Variants in KYAT1 observed in about 807,000 individuals in gnomAD.
The protein encoded by KYAT1 is kynurenine aminotransferase 1, also known as kynurenine--oxoglutarate transaminase 1.
In KYAT1, 47 loss-of-function variants were observed where a neutral mutation model predicts 52.4. The observed-to-expected ratio is 0.90, with a 90% CI of 0.71 to 1.14. KYAT1 has a LOEUF of 1.14. Among genes scored for constraint, KYAT1 ranks in the 50% most tolerant of loss-of-function variants. KYAT1 has a pLI of 0.00. For synonymous variants in KYAT1, 212 were observed against 209.6 expected (o/e 1.01, Z -0.10); for missense variants, 480 against 557.9 (o/e 0.86, Z 1.41).
At chr9:128,856,677 CA>C (rs1029068270) in intron 1 of KYAT1, among the ~76,000 whole-genome samples, 2 of 152,212 alleles carry the variant, frequency 1.3e-5, no homozygotes, top group African/African-American at 4.8e-5. Flanking sequence ...GCCTTGTTAA[CA>C]AAATGTTTAC....
At chr9:128,873,803 G>A (rs1419483245) in intron 1 of KYAT1, among the ~76,000 whole-genome samples, 4 of 151,370 alleles carry the variant, frequency 2.6e-5, no homozygotes, top group African/African-American at 7.3e-5. Flanking sequence ...AAAATTAGCC[G>A]GGCATGGTGA....
At chr9:128,875,325 C>A (rs1448745351) in intron 1 of KYAT1, among the ~76,000 whole-genome samples, 2 of 146,544 alleles carry the variant, frequency 1.4e-5, no homozygotes, top group East Asian at 4.1e-4. Context: ...AGCTGTGTGA[C>A]CTTGGCTCAC....
At position 128,863,173 on chromosome 9, in the gene KYAT1, T is replaced by C. The variant is rs577788332; in HGVS notation, c.-6-17762A>G. 1.1e-4 allele frequency among the ~76,000 whole-genome samples: 17 copies of C among 151,890 alleles called. No homozygotes were observed. In the South Asian group the frequency reaches 2.9e-3, roughly 26 times the overall value. On this transcript the variant is annotated intron_variant, in intron 1 of 12. Coordinates refer to ENST00000302586, the MANE Select transcript of KYAT1 (RefSeq NM_004059.5). Reference sequence around the variant, plus strand: ...CCCTCCACAGGGTAGGTCTGTTCTATTACCACACCCAGGATCAGGCCCCAA... The same window carrying C: ...CCCTCCACAGGGTAGGTCTGTTCTACTACCACACCCAGGATCAGGCCCCAA...
intron 1 of KYAT1, among the ~76,000 whole-genome samples, chr9:128,873,119 A>C (rs1227761936): frequency 6.6e-6 from 1 of 151,682 alleles, no homozygotes; most frequent in Non-Finnish European, 1.5e-5. Context: ...AAATTGTGCA[A>C]AGAGAACTTA....
chr9:128,876,760 T>A (rs1336015936), intron 1 of KYAT1, among the ~76,000 whole-genome samples: 1 of 139,834 alleles, frequency 7.2e-6, no homozygotes, highest in African/African-American at 2.7e-5. Context: ...CTCTCTTCAC[T>A]CTGTCACCCA....
Position 128,862,979 on chromosome 9 carries a change from C to T in KYAT1, c.-6-17568G>A, listed in dbSNP as rs1472251201. ...GGCTGGGATTACAGACGCGCGCTAC[C>T]ATGCCCGGCTAATTTTTTTGTGTGT... On this transcript the variant is annotated intron_variant, in intron 1 of 12. Transcript: ENST00000302586. Among the ~76,000 whole-genome samples the T allele has an allele frequency of 2.6e-5, 4 of 152,172 alleles. No individual in the cohort carries two copies. In the South Asian group the frequency reaches 8.3e-4, roughly 32 times the overall value.
chr9:128,882,215 G>C (rs963510380), upstream of KYAT1: 2 of 153,276 alleles, frequency 1.3e-5, no homozygotes, highest in African/African-American at 2.4e-5. Flanking sequence ...CGGGGCCTGG[G>C]GCTGCCTGCC....
chr9:128,850,651 C>T (rs1178771701), intron 1 of KYAT1, among the ~76,000 whole-genome samples: 1 of 152,190 alleles, frequency 6.6e-6, no homozygotes, highest in East Asian at 1.9e-4. Context: ...GACCGTCCCC[C>T]AGCCCAACAC....
chr9:128,843,935 G>T (rs922658798), intron 2 of KYAT1, among the ~76,000 whole-genome samples: 1 of 152,216 alleles, frequency 6.6e-6, no homozygotes, highest in African/African-American at 2.4e-5. Flanking sequence ...CCACTGTGGG[G>T]ATAAGGAGTG....
chr9:128,874,547 G>A (rs1046816059), intron 1 of KYAT1, among the ~76,000 whole-genome samples: 1 of 151,452 alleles, frequency 6.6e-6, no homozygotes, highest in Non-Finnish European at 1.5e-5. Context: ...CTGGCATCAA[G>A]CAATCATCCT....
chr9:128,881,669 G>A (rs1269722725), intron 1 of KYAT1, among the ~76,000 whole-genome samples: 1 of 152,158 alleles, frequency 6.6e-6, no homozygotes, highest in African/African-American at 2.4e-5. Context: ...GTGGGAGGGG[G>A]ATTTGGGTGC....
intron 1 of KYAT1, among the ~76,000 whole-genome samples, chr9:128,852,531 T>C (rs986581627): frequency 6.6e-6 from 1 of 152,210 alleles, no homozygotes; most frequent in Non-Finnish European, 1.5e-5. Context: ...GTTGATGATA[T>C]TTTGTGTGCT....
At chr9:128,836,978 A>G in intron 6 of KYAT1, 56 bp from the exon 7 acceptor site, 1 of 1,583,312 alleles carries the variant, frequency 6.3e-7, no homozygotes, top group Non-Finnish European at 8.5e-7. Flanking sequence ...CCAAACACAG[A>G]GGCCTACTCA....
At chr9:128,868,025 G>C (rs1200052622) in intron 1 of KYAT1, among the ~76,000 whole-genome samples, 1 of 152,100 alleles carries the variant, frequency 6.6e-6, no homozygotes, top group Admixed American at 6.5e-5. Context: ...CACCCGCCTT[G>C]GCCTCCCAAA....
At chr9:128,851,029 C>T (rs534322197) in intron 1 of KYAT1, among the ~76,000 whole-genome samples, 58 of 152,276 alleles carry the variant, frequency 3.8e-4, no homozygotes, top group African/African-American at 8.2e-4. Context: ...TACTGCATTC[C>T]TCTTGCTGAG....
intron 1 of KYAT1, among the ~76,000 whole-genome samples, chr9:128,849,120 A>G (rs1424586722): frequency 2.0e-5 from 3 of 150,164 alleles, no homozygotes; most frequent in African/African-American, 7.4e-5. Context: ...CTCAAAAAAA[A>G]AGGTGGGGAG....
At chr9:128,856,302 A>G (rs188089982) in intron 1 of KYAT1, among the ~76,000 whole-genome samples, 10 of 152,312 alleles carry the variant, frequency 6.6e-5, no homozygotes, top group Non-Finnish European at 1.3e-4. Context: ...AACCACTGGA[A>G]GTTCCACTAT....
At chr9:128,874,292 C>G (rs1837650580) in intron 1 of KYAT1, among the ~76,000 whole-genome samples, 1 of 151,234 alleles carries the variant, frequency 6.6e-6, no homozygotes, top group African/African-American at 2.4e-5. Context: ...CTGAACAGTG[C>G]TGCAGTCTTC....
chr9:128,850,798 A>G (rs555204852), intron 1 of KYAT1, among the ~76,000 whole-genome samples: 52 of 152,230 alleles, frequency 3.4e-4, no homozygotes, highest in Non-Finnish European at 6.5e-4. Context: ...CATTTGTTCA[A>G]TTCTGAGATA....
Sources: gnomAD v4.1 joint callset for allele counts (sites outside exome capture counted in the v4.1 genomes callset) on GRCh38, gnomAD v4.1.1 for gene constraint, MANE v1.5 for transcripts, NCBI Gene and HGNC (gene_info 2026-07-23, HGNC 2026-07-21) for gene names.